Variants in SERPINB12 observed in about 807,000 individuals in gnomAD.
The protein encoded by SERPINB12 is serpin B12.
A neutral mutation model predicts 41.1 loss-of-function variants in SERPINB12; 57 were observed. The ratio of observed to expected loss-of-function variants is 1.39; its 90% CI spans 1.12 to 1.73. The LOEUF is 1.73. Among genes scored for constraint, SERPINB12 ranks in the 40% most tolerant of loss-of-function variants. The pLI, the probability that SERPINB12 is intolerant of heterozygous loss-of-function variation, is 0.00. For missense variants in SERPINB12, 536 were observed against 501.9 expected, an observed-to-expected ratio of 1.07 and a Z score of -0.65; for synonymous variants, 180 against 181.3, an observed-to-expected ratio of 0.99 and a Z score of 0.06.
chr18:63,566,670 G>T lies in SERPINB12; in HGVS notation c.937G>T (p.Glu313Ter), dbSNP rs2144356335. 1.2e-6 allele frequency: 2 copies of T among 1,614,060 alleles called. No individual in the cohort carries two copies. The highest frequency in any genetic ancestry group is 2.2e-5 in the South Asian group (2 of 91,040). Residue 313 changes from glutamate to a stop codon, truncating the protein, a stop_gained, in exon 8 of 8, where the codon GAA becomes TAA. Coordinates refer to ENST00000382768, the MANE Select transcript of SERPINB12 (RefSeq NM_001307928.2). LOFTEE classifies it high-confidence loss of function. ...AWSSSENMSEESVVLSFPRFT... is the reference protein window; with the variant it reads ...AWSSSENMSE ...GAGCAGCTCAGAAAACATGTCAGAA[G>T]AATCGGTGGTCCTGTCCTTCCCCCG...
intron 1 of SERPINB12, among the ~76,000 whole-genome samples, chr18:63,546,296 T>G (rs913893999): frequency 2.0e-5 from 3 of 152,198 alleles, no homozygotes; most frequent in African/African-American, 7.2e-5. Context: ...CTCCACACTT[T>G]TTGCCCTATC....
intron 1 of SERPINB12, among the ~76,000 whole-genome samples, chr18:63,555,408 G>A (rs1910641519): frequency 6.6e-6 from 1 of 152,132 alleles, no homozygotes; most frequent in Admixed American, 6.5e-5. Context: ...ATGTTTGCTT[G>A]GCTGCTAACT....
intron 1 of SERPINB12, among the ~76,000 whole-genome samples, chr18:63,543,300 T>TAA (rs1334564063): frequency 6.6e-6 from 1 of 152,202 alleles, no homozygotes; most frequent in East Asian, 1.9e-4. Context: ...TCCCCTTTAC[T>TAA]AAAGGCTCTA....
intron 5 of SERPINB12, 42 bp from the exon 6 acceptor site, chr18:63,563,936 A>G: frequency 6.5e-7 from 1 of 1,529,578 alleles, no homozygotes; most frequent in African/African-American, 1.4e-5. Context: ...AATGCTTTTG[A>G]TACAATTCAT....
At chr18:63,566,499 T>C in intron 7 of SERPINB12, 108 bp from the exon 8 acceptor site, 1 of 922,726 alleles carries the variant, frequency 1.1e-6, no homozygotes, top group Non-Finnish European at 1.7e-6. Flanking sequence ...GGAAAGGTCT[T>C]GAAGGTTGTC....
At chr18:63,531,922 G>A in the SERPINB12 span, among the ~76,000 whole-genome samples, 1 of 152,028 alleles carries the variant, frequency 6.6e-6, no homozygotes, top group Admixed American at 6.6e-5. Flanking sequence ...TATGGTTTAG[G>A]GATGACTGTT....
the SERPINB12 span, among the ~76,000 whole-genome samples, chr18:63,520,770 A>G: frequency 6.6e-6 from 1 of 152,196 alleles, no homozygotes; most frequent in Non-Finnish European, 1.5e-5. Context: ...ATCAACAACT[A>G]ACATTTTAAG....
At chr18:63,522,632 A>G in the SERPINB12 span, among the ~76,000 whole-genome samples, 1 of 152,060 alleles carries the variant, frequency 6.6e-6, no homozygotes, top group Admixed American at 6.5e-5. Flanking sequence ...CACAAATTCA[A>G]CAGTTTCTCC....
At chr18:63,532,795 GT>G in the SERPINB12 span, among the ~76,000 whole-genome samples, 1 of 152,146 alleles carries the variant, frequency 6.6e-6, no homozygotes, top group African/African-American at 2.4e-5. Flanking sequence ...GATGAATCTA[GT>G]TGAAAAGTAA....
rs564117619 is a variant in SERPINB12, at chr18:63,556,277, G to A, written c.118G>A (p.Gly40Ser). ...FSPLSLSAAL[G>S]MVRLGARSDS... ...TCCCCTGAGCCTCTCAGCTGCCCTT[G>A]GTATGGTACGCTTGGGTGCTAGAAG... is the stretch of plus-strand genomic sequence containing the variant. The change falls in exon 2 of 8, where the codon GGT becomes AGT. Residue 40 changes from glycine (G) to serine (S), a missense_variant. Gly to Ser is a moderately conservative substitution (Grantham distance 56). Coordinates refer to ENST00000382768, the MANE Select transcript of SERPINB12 (RefSeq NM_001307928.2). The A allele has an allele frequency of 1.7e-5, 28 of 1,614,042 alleles. No homozygotes were observed. The South Asian group carries it at 2.1e-4, about 12-fold the overall frequency.
the SERPINB12 span, among the ~76,000 whole-genome samples, chr18:63,528,316 T>C: frequency 6.6e-6 from 1 of 152,040 alleles, no homozygotes; most frequent in Non-Finnish European, 1.5e-5. Flanking sequence ...TTTGAACAGA[T>C]AGCTGGCTGG....
At chr18:63,561,311 T>C (rs1041503520) in intron 5 of SERPINB12, 109 bp downstream of exon 5, 11 of 668,950 alleles carry the variant, frequency 1.6e-5, no homozygotes, top group Admixed American at 1.0e-4. Flanking sequence ...GGTTCACATA[T>C]GTGGACTGTG....
chr18:63,556,394 A>C (rs1910680460), intron 2 of SERPINB12, 67 bp downstream of exon 2: 6 of 1,496,372 alleles, frequency 4.0e-6, no homozygotes, highest in Non-Finnish European at 5.4e-6. Flanking sequence ...TCAGACCCTA[A>C]TCCCACTTAG....
At chr18:63,522,609 T>C in the SERPINB12 span, among the ~76,000 whole-genome samples, 1 of 152,114 alleles carries the variant, frequency 6.6e-6, no homozygotes, top group Admixed American at 6.5e-5. Context: ...TGCTTGATCT[T>C]GATTAGCAGT....
At chr18:63,539,382 A>G (rs997503989), upstream of SERPINB12, among the ~76,000 whole-genome samples, 5 of 152,248 alleles carry the variant, frequency 3.3e-5, no homozygotes, top group East Asian at 1.9e-4. Context: ...CAAAATTTCC[A>G]TACTTTTTCA....
chr18:63,552,303 C>T (rs1910553449), intron 1 of SERPINB12, among the ~76,000 whole-genome samples: 1 of 152,106 alleles, frequency 6.6e-6, no homozygotes, highest in Non-Finnish European at 1.5e-5. Context: ...AAACTCATTT[C>T]TATGGAAAAT....
At chr18:63,538,900 G>A (rs143552729), upstream of SERPINB12, among the ~76,000 whole-genome samples, 268 of 152,144 alleles carry the variant, frequency 1.8e-3, no homozygotes, top group African/African-American at 6.1e-3. Flanking sequence ...TGTATAAAGC[G>A]GTATCTCACT....
intron 3 of SERPINB12, among the ~76,000 whole-genome samples, chr18:63,559,022 C>CTTTCTTTCTTTCTTTG (rs1910789339): frequency 1.5e-5 from 1 of 65,534 alleles, no homozygotes; most frequent in East Asian, 3.0e-4. Context: ...TTCTTTCTTT[C>CTTTCTTTCTTTCTTTG]TTTCTTTCTT....
chr18:63,520,285 G>A, the SERPINB12 span, among the ~76,000 whole-genome samples: 1 of 152,312 alleles, frequency 6.6e-6, no homozygotes, highest in African/African-American at 2.4e-5. Flanking sequence ...GGTGGCAGGA[G>A]CCATGCTTCT....
Sources: allele counts gnomAD v4.1 joint callset (sites outside exome capture counted in the v4.1 genomes callset), GRCh38; gene constraint gnomAD v4.1.1; transcripts MANE v1.5; gene names NCBI Gene and HGNC (gene_info 2026-07-23, HGNC 2026-07-21).